ESR2: variants seen among roughly 807,000 people sequenced by gnomAD.
ESR2 encodes estrogen receptor beta.
ESR2 carries 36 observed loss-of-function variants against 49.6 expected under a neutral mutation model. The observed-to-expected ratio is 0.73, with a 90% confidence interval of 0.56 to 0.96. The LOEUF (loss-of-function observed/expected upper bound fraction) is 0.96, where lower values mean the gene tolerates loss of function less well. Ranked by LOEUF, ESR2 falls within the 40% of genes least tolerant of loss-of-function variation. ESR2 has a pLI of 0.00. For synonymous variants in ESR2, 320 were observed against 266.1 expected (o/e 1.20, Z -1.97); for missense variants, 714 against 693.0 (o/e 1.03, Z -0.34).
At chr14:64,292,931 CTA>C (rs1246531183) in intron 1 of ESR2, among the ~76,000 whole-genome samples, 2 of 152,180 alleles carry the variant, frequency 1.3e-5, no homozygotes, top group Non-Finnish European at 1.5e-5. Flanking sequence ...TCAGAAACTT[CTA>C]TGTCTTGAGC....
At chr14:64,241,145 CAAAAAAAAAAAAAA>C (rs56347632) in intron 7 of ESR2, among the ~76,000 whole-genome samples, 2 of 95,404 alleles carry the variant, frequency 2.1e-5, no homozygotes, top group South Asian at 3.9e-4. Context: ...GACTCCGTCT[CAAAAAAAAAAAAAA>C]AAAAAAAAAA....
rs60101369 is a variant in ESR2 at position 64,235,053 on chromosome 14, A to G, written c.1323T>C (p.Ile441=). Residue 441 remains isoleucine (I), a synonymous_variant, in exon 8 of 9, where the codon ATT becomes ATC. Coordinates refer to ENST00000341099, the MANE Select transcript of ESR2 (RefSeq NM_001437.3). ...NAVTDALVWV[I]AKSGISSQQQ... is the part of the protein sequence containing the mutation. Reference sequence around the variant, plus strand: ...GCTGGGAGGAGATGCCGCTCTTGGCAATCACCCAAACCAAAGCATCGGTCA... The same window carrying G: ...GCTGGGAGGAGATGCCGCTCTTGGCGATCACCCAAACCAAAGCATCGGTCA... 13,077 of 1,614,212 alleles carry G rather than the reference A, an allele frequency of 8.1e-3. 102 individuals are homozygous for G. Among genetic ancestry groups the G allele is most frequent in the Non-Finnish European group, 8.0e-3 (9,432 of 1,180,032 alleles).
At chr14:64,290,609 G>A (rs569455130) in intron 1 of ESR2, among the ~76,000 whole-genome samples, 1 of 150,438 alleles carries the variant, frequency 6.6e-6, no homozygotes, top group East Asian at 2.0e-4. Flanking sequence ...TCATTATTTG[G>A]CCAGGCTGGT....
chr14:64,277,319 T>G (rs774468808), intron 3 of ESR2, among the ~76,000 whole-genome samples: 25 of 152,030 alleles, frequency 1.6e-4, no homozygotes, highest in Non-Finnish European at 2.5e-4. Flanking sequence ...AAGACAAGTT[T>G]AAAATTATAA....
intron 1 of ESR2, chr14:64,337,867 G>A (rs1287982354): frequency 6.6e-6 from 1 of 152,134 alleles, no homozygotes; most frequent in Non-Finnish European, 1.5e-5. Context: ...CCCGGTATCT[G>A]GTCAAGTCCT....
chr14:64,273,446 G>T (rs1160653222), intron 3 of ESR2, among the ~76,000 whole-genome samples: 1 of 152,108 alleles, frequency 6.6e-6, no homozygotes, highest in Non-Finnish European at 1.5e-5. Flanking sequence ...CTGTGGGTCT[G>T]TTATATGTCT....
At position 64,333,834 on chromosome 14, in the gene ESR2, C is replaced by T. The variant is rs558667744; in HGVS notation, c.-91+4064G>A. Among the ~76,000 whole-genome samples the T allele has an allele frequency of 3.2e-4, 48 of 152,108 alleles. 2 individuals carry two copies. In the South Asian group the frequency reaches 1.0e-2, roughly 32 times the overall value. On this transcript the variant is annotated intron_variant, in intron 1 of 8. Transcript: ENST00000358599. ...AGATTTGGGTGGGGACACAGACAAA[C>T]CATATCATATGAGAAGTTTGTTTTG...
intron 3 of ESR2, among the ~76,000 whole-genome samples, chr14:64,278,308 G>C (rs2076597334): frequency 1.3e-5 from 2 of 152,170 alleles, no homozygotes; most frequent in South Asian, 4.1e-4. Flanking sequence ...AAGTCGCAGA[G>C]CTAGTAATTA....
rs1337077895 is a variant in ESR2 at position 64,230,787 on chromosome 14, A to G, written c.*2350T>C. On this transcript the variant is annotated 3_prime_UTR_variant, in exon 9 of 9. Coordinates refer to ENST00000341099, the MANE Select transcript of ESR2 (RefSeq NM_001437.3). ...CCTGATACTGCCCACTCGAGGCTCT[A>G]AAGGGATTGCCATTGCCAGTTCACT... 1 of 151,300 alleles carries G rather than the reference A, an allele frequency of 6.6e-6. No individual in the cohort carries two copies. Among genetic ancestry groups the G allele is most frequent in the African/African-American group, 2.4e-5 (1 of 41,140 alleles). The allele number at this position is 151,300 out of a possible 1,614,324, so 9.4% of individuals were successfully genotyped here.
chr14:64,324,644 A>G (rs1171092412), intron 1 of ESR2, among the ~76,000 whole-genome samples: 1 of 152,228 alleles, frequency 6.6e-6, no homozygotes, highest in Non-Finnish European at 1.5e-5. Flanking sequence ...AAGATGATAC[A>G]GCTGTTCCAT....
At chr14:64,286,451 C>T (rs1376581789) in intron 1 of ESR2, among the ~76,000 whole-genome samples, 1 of 151,888 alleles carries the variant, frequency 6.6e-6, no homozygotes, top group East Asian at 1.9e-4. Flanking sequence ...CAGGTGCCTA[C>T]CACCATGCCC....
rs2076631643 is a variant in ESR2, at chr14:64,280,038, G to T, written c.478C>A (p.His160Asn). 1.2e-6 allele frequency: 2 copies of T among 1,614,044 alleles called. No homozygotes were observed. Among genetic ancestry groups the T allele is most frequent in the African/African-American group, 2.7e-5 (2 of 74,944 alleles). The change falls in exon 3 of 9, where the codon CAC (histidine) becomes AAC (asparagine). Residue 160 changes from histidine (H) to asparagine (N), a missense_variant. Coordinates refer to ENST00000341099, the MANE Select transcript of ESR2 (RefSeq NM_001437.3). Reference sequence around the variant, plus strand: ...CCTTCACACGACCAGACTCCATAGTGATATCCCGATGCGTAATCGCTGCAG... The same window carrying T: ...CCTTCACACGACCAGACTCCATAGTTATATCCCGATGCGTAATCGCTGCAG... The part of the protein sequence containing the change: ...AVCSDYASGY[H>N]YGVWSCEGCK...
upstream of ESR2, among the ~76,000 whole-genome samples, chr14:64,297,990 G>A (rs2076979120): frequency 6.6e-6 from 1 of 152,120 alleles, no homozygotes; most frequent in South Asian, 2.1e-4. Context: ...TTAATAAAGG[G>A]GAAAGATTAA....
chr14:64,257,789 T>C (rs1259518636), intron 5 of ESR2, among the ~76,000 whole-genome samples: 4 of 152,092 alleles, frequency 2.6e-5, no homozygotes, highest in African/African-American at 4.8e-5. Flanking sequence ...AGGTTGGGGT[T>C]GGAGGCTTGC....
intron 1 of ESR2, among the ~76,000 whole-genome samples, chr14:64,325,021 GA>G (rs1363896682): frequency 6.6e-6 from 1 of 152,176 alleles, no homozygotes; most frequent in East Asian, 1.9e-4. Flanking sequence ...TGGAATTGCT[GA>G]GTCACAGGGT....
chr14:64,258,904 G>A (rs1281713200), intron 5 of ESR2, among the ~76,000 whole-genome samples: 3 of 152,114 alleles, frequency 2.0e-5, no homozygotes, highest in African/African-American at 4.8e-5. Flanking sequence ...CCAGCTAAGA[G>A]AGGAGAAAAA....
At chr14:64,259,087 G>C (rs1021320940) in intron 5 of ESR2, among the ~76,000 whole-genome samples, 1 of 152,174 alleles carries the variant, frequency 6.6e-6, no homozygotes. Flanking sequence ...CTGCAAAATC[G>C]TGTTTGGAAT....
intron 1 of ESR2, among the ~76,000 whole-genome samples, chr14:64,322,468 G>A (rs1001206198): frequency 6.6e-6 from 1 of 150,638 alleles, no homozygotes; most frequent in Non-Finnish European, 1.5e-5. Context: ...TTGATCCAGG[G>A]GTTTGAGACC....
chr14:64,246,762 A>C (rs1446917696), intron 7 of ESR2, among the ~76,000 whole-genome samples: 1 of 145,310 alleles, frequency 6.9e-6, no homozygotes, highest in Non-Finnish European at 1.5e-5. Flanking sequence ...AAAAAAAAAA[A>C]AAAAACACAC....
Sources: allele counts gnomAD v4.1 joint callset (sites outside exome capture counted in the v4.1 genomes callset), GRCh38; gene constraint gnomAD v4.1.1; transcripts MANE v1.5; gene names NCBI Gene and HGNC (gene_info 2026-07-23, HGNC 2026-07-21).